AP1S3: variants seen among roughly 807,000 people sequenced by gnomAD.
AP1S3 encodes AP-1 complex subunit sigma-3.
A neutral mutation model predicts 20.9 loss-of-function variants in AP1S3; 10 were observed. The ratio of observed to expected loss-of-function variants is 0.48; its 90% confidence interval spans 0.29 to 0.81. The LOEUF (loss-of-function observed/expected upper bound fraction) is 0.81, where lower values mean the gene tolerates loss of function less well. AP1S3 is among the 30% of genes least tolerant of loss of function. The pLI is 0.08. For synonymous variants in AP1S3, 41 were observed against 61.5 expected, an observed-to-expected ratio of 0.67 and a Z score of 1.56; for missense variants, 154 against 183.8, an observed-to-expected ratio of 0.84 and a Z score of 0.94.
intron 1 of AP1S3, among the ~76,000 whole-genome samples, chr2:223,786,620 AAAG>A (rs926162195): frequency 1.7e-3 from 264 of 152,228 alleles, no homozygotes; most frequent in African/African-American, 5.9e-3. Flanking sequence ...ATTAAAAAAA[AAAG>A]AAGAAGGAGA....
chr2:223,825,181 C>T lies in AP1S3; in HGVS notation c.3+12267G>A, dbSNP rs934373884. ...ACAAAAAATTAGCCGGGCGTGGTGG[C>T]GGGCGCCTGTAGTCCCAGCTACTCC... is the stretch of plus-strand genomic sequence containing the variant. On this transcript the variant is annotated intron_variant, in intron 1 of 4. Transcript: ENST00000396654. Among the ~76,000 whole-genome samples the T allele has an allele frequency of 4.6e-5, 7 of 151,924 alleles. No homozygotes were observed. The South Asian group carries it at 1.0e-3, about 23-fold the overall frequency.
intron 1 of AP1S3, among the ~76,000 whole-genome samples, chr2:223,837,049 T>C (rs1692418048): frequency 6.6e-6 from 1 of 152,094 alleles, no homozygotes; most frequent in Admixed American, 6.5e-5. Context: ...AGAAGTTCTC[T>C]TCATTTTACT....
At chr2:223,773,051 T>C (rs1690670875) in intron 3 of AP1S3, among the ~76,000 whole-genome samples, 1 of 152,134 alleles carries the variant, frequency 6.6e-6, no homozygotes, top group Non-Finnish European at 1.5e-5. Context: ...CAAAATAGAA[T>C]GGGAAATTAA....
At chr2:223,788,336 G>C (rs932978144) in intron 1 of AP1S3, among the ~76,000 whole-genome samples, 1 of 152,060 alleles carries the variant, frequency 6.6e-6, no homozygotes, top group East Asian at 2.0e-4. Context: ...TATTTGGCCG[G>C]GCGTGGTGGC....
chr2:223,829,706 G>A (rs1006056461), intron 1 of AP1S3, among the ~76,000 whole-genome samples: 3 of 151,588 alleles, frequency 2.0e-5, no homozygotes, highest in African/African-American at 7.3e-5. Flanking sequence ...GTAAGGTGGT[G>A]GGCACCTGTA....
At chr2:223,817,749 C>A (rs1300506992) in intron 1 of AP1S3, among the ~76,000 whole-genome samples, 1 of 151,982 alleles carries the variant, frequency 6.6e-6, no homozygotes, top group Non-Finnish European at 1.5e-5. Flanking sequence ...CAGCTATGAG[C>A]TGAAGAACAT....
intron 1 of AP1S3, among the ~76,000 whole-genome samples, chr2:223,817,607 CAAAAAAA>C (rs748661983): frequency 3.7e-5 from 3 of 81,224 alleles, no homozygotes; most frequent in African/African-American, 1.4e-4. Flanking sequence ...GACTCCGTCT[CAAAAAAA>C]AAAAAAAAAA....
chr2:223,778,799 C>T (rs1362000672), intron 1 of AP1S3, among the ~76,000 whole-genome samples: 1 of 151,478 alleles, frequency 6.6e-6, no homozygotes, highest in Non-Finnish European at 1.5e-5. Context: ...CAGGTTCAAA[C>T]GATTCTCATG....
intron 1 of AP1S3, among the ~76,000 whole-genome samples, chr2:223,818,020 G>A (rs1158779470): frequency 6.6e-6 from 1 of 151,970 alleles, no homozygotes; most frequent in Non-Finnish European, 1.5e-5. Context: ...TCATATTGAA[G>A]ACAAAAAAGA....
intron 1 of AP1S3, among the ~76,000 whole-genome samples, chr2:223,832,135 CTGTGTGTG>C (rs774812162): frequency 0.027 from 1,920 of 70,782 alleles, 85 homozygotes; most frequent in African/African-American, 0.063. Flanking sequence ...AGTTTTCTCT[CTGTGTGTG>C]TGTGTGTGTG....
chr2:223,821,736 G>C (rs1009321922), intron 1 of AP1S3, among the ~76,000 whole-genome samples: 10 of 152,152 alleles, frequency 6.6e-5, no homozygotes, highest in Admixed American at 2.6e-4. Flanking sequence ...GATGAGCCTG[G>C]CTCCTGGGCA....
chr2:223,836,778 C>T (rs1692411163), intron 1 of AP1S3, among the ~76,000 whole-genome samples: 1 of 152,130 alleles, frequency 6.6e-6, no homozygotes, highest in Non-Finnish European at 1.5e-5. Context: ...GCTAAAACGT[C>T]CCCGAGGTTT....
intron 1 of AP1S3, among the ~76,000 whole-genome samples, chr2:223,801,924 C>T (rs1340741598): frequency 3.9e-5 from 6 of 152,212 alleles, no homozygotes; most frequent in Non-Finnish European, 7.3e-5. Flanking sequence ...ACTAGTATTA[C>T]ATTTATCACA....
intron 1 of AP1S3, among the ~76,000 whole-genome samples, chr2:223,832,390 C>T (rs116058193): frequency 2.0e-5 from 3 of 150,658 alleles, no homozygotes; most frequent in Non-Finnish European, 3.0e-5. Flanking sequence ...GATAGAAACT[C>T]GGTAGTAACA....
chr2:223,827,701 A>C (rs7569565), intron 1 of AP1S3, among the ~76,000 whole-genome samples: 73,157 of 151,204 alleles, frequency 0.48, 17,777 homozygotes, highest in Middle Eastern at 0.57. Context: ...TGTTTATTTC[A>C]TCAGTTTAAA....
intron 1 of AP1S3, among the ~76,000 whole-genome samples, chr2:223,778,685 T>TCTTAAATG (rs1170359484): frequency 2.4e-4 from 37 of 151,324 alleles, no homozygotes; most frequent in African/African-American, 8.8e-4. Flanking sequence ...TGAGAAGCTG[T>TCTTAAATG]CTTAAATGTA....
chr2:223,825,796 C>T (rs1692114273), intron 1 of AP1S3, among the ~76,000 whole-genome samples: 1 of 152,182 alleles, frequency 6.6e-6, no homozygotes, highest in Non-Finnish European at 1.5e-5. Context: ...GTGGGTGGAT[C>T]ACCTGAGGTC....
intron 1 of AP1S3, among the ~76,000 whole-genome samples, chr2:223,818,244 C>A (rs1050511239): frequency 1.3e-5 from 2 of 152,086 alleles, no homozygotes; most frequent in African/African-American, 4.8e-5. Flanking sequence ...TGGCAAAACC[C>A]AGTCTCTACT....
chr2:223,836,166 T>C (rs1215558939), intron 1 of AP1S3, among the ~76,000 whole-genome samples: 1 of 152,168 alleles, frequency 6.6e-6, no homozygotes, highest in African/African-American at 2.4e-5. Context: ...CACCCACTCC[T>C]GCCTCCGGTG....
Sources: allele counts gnomAD v4.1 joint callset (sites outside exome capture counted in the v4.1 genomes callset), GRCh38; gene constraint gnomAD v4.1.1; transcripts MANE v1.5; gene names NCBI Gene and HGNC (gene_info 2026-07-23, HGNC 2026-07-21).